The following DNMT3B variants were observed in gnomAD, a reference collection of about 807,000 sequenced individuals.
DNMT3B encodes the protein DNA methyltransferase 3 beta.
DNMT3B carries 37 observed loss-of-function variants against 120.2 expected under a neutral mutation model. The observed-to-expected ratio is 0.31, with a 90% CI of 0.24 to 0.40. The LOEUF is 0.40. DNMT3B is among the 10% of genes least tolerant of loss of function. The pLI is 1.00. For synonymous variants in DNMT3B, 412 were observed against 442.8 expected (o/e 0.93, Z 0.87); for missense variants, 878 against 1,137.3 (o/e 0.77, Z 3.28).
At chr20:32,782,069 T>C (rs1398006776) in intron 3 of DNMT3B, among the ~76,000 whole-genome samples, 1 of 152,132 alleles carries the variant, frequency 6.6e-6, no homozygotes, top group Admixed American at 6.5e-5. Context: ...GTTAGATCTG[T>C]GGTAAGAACA....
chr20:32,773,891 A>AATTT (rs1382266868), intron 1 of DNMT3B, among the ~76,000 whole-genome samples: 1 of 95,958 alleles, frequency 1.0e-5, no homozygotes, highest in Non-Finnish European at 1.8e-5. Flanking sequence ...TGGCCTCCTA[A>AATTT]AGTGGTGGTA....
intron 9 of DNMT3B, among the ~76,000 whole-genome samples, 175 bp from the exon 10 acceptor site, chr20:32,793,361 G>C (rs1174153382): frequency 6.6e-6 from 1 of 152,198 alleles, no homozygotes; most frequent in Non-Finnish European, 1.5e-5. Context: ...CAGCTACCCG[G>C]GAGGCTGAGG....
chr20:32,767,346 C>G (rs1283402105), intron 1 of DNMT3B, among the ~76,000 whole-genome samples: 2 of 143,322 alleles, frequency 1.4e-5, no homozygotes, highest in African/African-American at 4.9e-5. Context: ...GTAGGTCTGG[C>G]TACAGGGCCA....
intron 1 of DNMT3B, among the ~76,000 whole-genome samples, chr20:32,766,742 C>G (rs184409436): frequency 3.3e-5 from 5 of 152,142 alleles, no homozygotes; most frequent in Admixed American, 3.3e-4. Context: ...CATGCACCAC[C>G]ATGCCTGGCC....
At chr20:32,805,476 C>T (rs928598510) in intron 21 of DNMT3B, 69 bp downstream of exon 21, 1 of 1,594,140 alleles carries the variant, frequency 6.3e-7, no homozygotes, top group Non-Finnish European at 8.6e-7. Context: ...GGGAGATGAC[C>T]TTGGTGTTTG....
chr20:32,767,928 A>T (rs1479139724), intron 1 of DNMT3B, among the ~76,000 whole-genome samples: 1 of 152,182 alleles, frequency 6.6e-6, no homozygotes, highest in African/African-American at 2.4e-5. Flanking sequence ...CTGGGGCCAG[A>T]GCTGGGGCTG....
chr20:32,781,386 A>G lies in DNMT3B; in HGVS notation c.176A>G (p.Glu59Gly). ...TCAAGCTCGCGACTCTCCAAGAGGG[A>G]GGTGTCCAGTCTGCTAAGCTACACA... is the stretch of plus-strand genomic sequence containing the variant. ...RRSSSRLSKR[E>G]VSSLLSYTQD... Residue 59 changes from glutamate to glycine, a missense_variant, in exon 3 of 23, where the codon GAG becomes GGG. Coordinates refer to ENST00000328111, the MANE Select transcript of DNMT3B (RefSeq NM_006892.4). The G allele has an allele frequency of 6.2e-7, 1 of 1,614,100 alleles. No individual in the cohort carries two copies. Among genetic ancestry groups the G allele is most frequent in the Non-Finnish European group, 8.5e-7 (1 of 1,180,030 alleles).
chr20:32,791,487 G>C, intron 7 of DNMT3B, 114 bp from the exon 8 acceptor site: 1 of 981,844 alleles, frequency 1.0e-6, no homozygotes, highest in Non-Finnish European at 1.6e-6. Context: ...CCCCAGGAAT[G>C]GTCTCTTGGT....
intron 1 of DNMT3B, among the ~76,000 whole-genome samples, chr20:32,770,595 C>T (rs1156463658): frequency 6.7e-6 from 1 of 149,532 alleles, no homozygotes; most frequent in Non-Finnish European, 1.5e-5. Context: ...GCTTGAGCCA[C>T]CATGCTCCGC....
chr20:32,793,499 A>G (rs746641139), intron 9 of DNMT3B, 37 bp from the exon 10 acceptor site: 46 of 1,608,786 alleles, frequency 2.9e-5, no homozygotes, highest in Non-Finnish European at 3.7e-5. Context: ...ATTTAATGTA[A>G]TGTTTTTTCT....
chr20:32,773,900 T>C (rs1334307335), intron 1 of DNMT3B, among the ~76,000 whole-genome samples: 1 of 90,490 alleles, frequency 1.1e-5, no homozygotes, highest in East Asian at 1.3e-3. Context: ...AAAGTGGTGG[T>C]ATTAACAGGC....
intron 1 of DNMT3B, among the ~76,000 whole-genome samples, chr20:32,774,886 T>A (rs1987991230): frequency 6.6e-6 from 1 of 151,168 alleles, no homozygotes; most frequent in Admixed American, 6.6e-5. Flanking sequence ...GACCGGCTAA[T>A]TTTTTTTTGT....
At position 32,809,295 on chromosome 20, in the gene DNMT3B, G is replaced by C. The variant is rs1982272752; in HGVS notation, c.*1392G>C. On this transcript the variant is annotated 3_prime_UTR_variant, in exon 23 of 23. Transcript: ENST00000328111. ...TTTCAACAGTTTTTGCTAATTTTTAGGCTGAAAGATGACGGATGCCTAGAG... is the reference window on the plus strand; with the variant it reads ...TTTCAACAGTTTTTGCTAATTTTTACGCTGAAAGATGACGGATGCCTAGAG... The C allele has an allele frequency of 4.6e-6, 1 of 216,444 alleles. No homozygotes were observed. Among genetic ancestry groups the C allele is most frequent in the Non-Finnish European group, 9.3e-6 (1 of 107,426 alleles). The allele number at this position is 216,444 out of a possible 1,614,324, so 13.4% of individuals were successfully genotyped here.
At chr20:32,770,288 ATTT>A (rs548020923) in intron 1 of DNMT3B, among the ~76,000 whole-genome samples, 1 of 141,252 alleles carries the variant, frequency 7.1e-6, no homozygotes, top group Admixed American at 7.1e-5. Flanking sequence ...AGTTTTTGTA[ATTT>A]TTTTTTTTTT....
chr20:32,768,362 T>C (rs1228473714), intron 1 of DNMT3B, among the ~76,000 whole-genome samples: 2 of 151,984 alleles, frequency 1.3e-5, no homozygotes, highest in Admixed American at 6.6e-5. Flanking sequence ...CCGACTAATT[T>C]TGTATTTTTA....
chr20:32,767,637 A>G (rs4578931), intron 1 of DNMT3B, among the ~76,000 whole-genome samples: 7,280 of 152,144 alleles, frequency 0.048, 329 homozygotes, highest in African/African-American at 0.12. Context: ...AAGTCTCACT[A>G]TGTTGCCCCA....
rs1979302266 is a variant in DNMT3B, at chr20:32,786,522, C to T, written c.327C>T (p.Asn109=). Residue 109 remains asparagine (N), a synonymous_variant, in exon 5 of 23, where the codon AAC becomes AAT. Transcript: ENST00000328111. The part of the protein sequence containing the change: ...ESPAVRTRNN[N]SVSSRERHRP... Reference sequence around the variant, plus strand: ...TCTAGGTCCGAACTCGAAATAACAACAGTGTCTCCAGCCGGGAGAGGCACA... The same window carrying T: ...TCTAGGTCCGAACTCGAAATAACAATAGTGTCTCCAGCCGGGAGAGGCACA... The T allele has an allele frequency of 1.2e-6, 2 of 1,613,960 alleles. No homozygotes were observed. The highest frequency in any genetic ancestry group is 1.3e-5 in the African/African-American group (1 of 74,956).
chr20:32,770,600 C>T (rs899705844), intron 1 of DNMT3B, among the ~76,000 whole-genome samples: 33 of 143,140 alleles, frequency 2.3e-4, no homozygotes, highest in Non-Finnish European at 3.9e-4. Context: ...AGCCACCATG[C>T]TCCGCCTTAC....
chr20:32,786,590 A>T lies in DNMT3B; in HGVS notation c.395A>T (p.His132Leu), dbSNP rs770751820. Reference protein sequence around the residue: ...RSTRGRQGRNHVDESPVEFPA... With the variant: ...RSTRGRQGRNLVDESPVEFPA... ...ACCCGAGGCCGGCAGGGCCGCAACC[A>T]TGTGGACGAGTCCCCCGTGGAGTTC... The change falls in exon 5 of 23, where the codon CAT becomes CTT. Residue 132 changes from histidine to leucine, a missense_variant. Around this residue, in one of 4 missense-constraint regions of DNMT3B, gnomAD observed 287 missense variants for 306.2 expected, o/e 0.94. Transcript: ENST00000328111. The T allele has an allele frequency of 1.2e-6, 2 of 1,613,876 alleles. No individual in the cohort carries two copies. Among genetic ancestry groups the T allele is most frequent in the Non-Finnish European group, 1.7e-6 (2 of 1,180,040 alleles).
Sources: gnomAD v4.1 joint callset for allele counts (sites outside exome capture counted in the v4.1 genomes callset) on GRCh38, gnomAD v4.1.1 for gene constraint, gnomAD v4.1.1 regional missense constraint, MANE v1.5 for transcripts, NCBI Gene and HGNC (gene_info 2026-07-23, HGNC 2026-07-21) for gene names.